The following SORD variants were observed in gnomAD, a reference collection of about 807,000 sequenced individuals.
SORD encodes the protein sorbitol dehydrogenase, also known as (R,R)-butanediol dehydrogenase.
SORD carries 18 observed loss-of-function variants against 35.6 expected under a neutral mutation model. The ratio of observed to expected loss-of-function variants is 0.51; its 90% CI spans 0.35 to 0.75. The LOEUF (loss-of-function observed/expected upper bound fraction) is 0.75, where lower values mean the gene tolerates loss of function less well. SORD is among the 30% of genes least tolerant of loss of function. The pLI is 0.01. For missense variants in SORD, 250 were observed against 390.2 expected (o/e 0.64, Z 3.03); for synonymous variants, 106 against 152.9 (o/e 0.69, Z 2.26).
In SORD at chr15:45,074,369, G is replaced by A. The variant is rs1893561229; in HGVS notation, c.*839G>A. On this transcript the variant is annotated 3_prime_UTR_variant, in exon 9 of 9. Transcript: ENST00000267814. ...GTGGACCTCACCAGAGACCAGGAGG[G>A]TTTGGTTAGCTCACAGGACTTCCCC... The A allele has an allele frequency of 6.7e-6, 1 of 148,772 alleles. No homozygotes were observed. Among genetic ancestry groups the A allele is most frequent in the Non-Finnish European group, 1.5e-5 (1 of 67,966 alleles). 9.2% of individuals were successfully genotyped at this position (148,772 alleles called of 1,614,324 possible).
chr15:45,042,267 G>C (rs868522143), intron 2 of SORD: 1 of 152,120 alleles, frequency 6.6e-6, no homozygotes, highest in African/African-American at 2.4e-5. Context: ...TGAGGCAGGC[G>C]GATCTCCTGA....
chr15:45,051,883 A>G (rs984992169), intron 3 of SORD, among the ~76,000 whole-genome samples: 1 of 152,206 alleles, frequency 6.6e-6, no homozygotes, highest in African/African-American at 2.4e-5. Context: ...TCAATGCTCA[A>G]TTTATGTAAA....
chr15:45,046,818 G>A (rs1893052157), intron 3 of SORD, among the ~76,000 whole-genome samples: 2 of 152,152 alleles, frequency 1.3e-5, no homozygotes, highest in African/African-American at 4.8e-5. Flanking sequence ...AGGAGTTCAA[G>A]ATCAGCCTGG....
chr15:45,036,203 T>A (rs969636987), intron 1 of SORD: 6 of 392,778 alleles, frequency 1.5e-5, no homozygotes, highest in Non-Finnish European at 2.5e-5. Context: ...TAACACTCAA[T>A]GCGAGGGTCC....
intron 2 of SORD, among the ~76,000 whole-genome samples, chr15:45,040,953 G>A (rs547870742): frequency 1.1e-4 from 17 of 152,176 alleles, no homozygotes; most frequent in East Asian, 1.9e-4. Context: ...CTGTCCAGTG[G>A]GGGTGGGAGG....
rs1247179234 is a variant in SORD, at chr15:45,077,029, T to C, written c.*3499T>C. 2 of 149,158 alleles carry C rather than the reference T, an allele frequency of 1.3e-5. No individual in the cohort carries two copies. Among genetic ancestry groups the C allele is most frequent in the African/African-American group, 2.6e-5 (1 of 38,638 alleles). The allele number at this position is 149,158 out of a possible 1,614,324, so 9.2% of individuals were successfully genotyped here. On this transcript the variant is annotated 3_prime_UTR_variant, in exon 9 of 9. Transcript: ENST00000267814. ...TTTAATAAATGGCTAAATTTCTTTC[T>C]ATGTCAATAATTATACACATCATTA...
intron 5 of SORD, among the ~76,000 whole-genome samples, chr15:45,066,971 G>A (rs1566964763): frequency 6.6e-6 from 1 of 152,186 alleles, no homozygotes; most frequent in East Asian, 1.9e-4. Flanking sequence ...TCACCGATTA[G>A]CCCAAGAGAA....
chr15:45,041,194 G>T (rs564610181), intron 2 of SORD, among the ~76,000 whole-genome samples: 2 of 152,136 alleles, frequency 1.3e-5, no homozygotes, highest in African/African-American at 4.8e-5. Flanking sequence ...CCAGCCCACC[G>T]TCTGCACATG....
intron 1 of SORD, among the ~76,000 whole-genome samples, chr15:45,037,329 A>G (rs1245778099): frequency 6.6e-6 from 1 of 152,152 alleles, no homozygotes; most frequent in South Asian, 2.1e-4. Flanking sequence ...TTGAATAAAT[A>G]TTTACAGTAG....
chr15:45,061,464 A>T lies in SORD; in HGVS notation c.425+238A>T, dbSNP rs527608237. ...TCAGTTTCCCTTACTTAGAGCAACAATAGAAAATTATTGCTGAAATCACTC... is the reference window on the plus strand; with the variant it reads ...TCAGTTTCCCTTACTTAGAGCAACATTAGAAAATTATTGCTGAAATCACTC... On this transcript the variant is annotated intron_variant, in intron 4 of 8. Transcript: ENST00000267814. Among the ~76,000 whole-genome samples, 5 of 152,314 alleles carry T rather than the reference A, an allele frequency of 3.3e-5. No homozygotes were observed. In the South Asian group the frequency reaches 1.0e-3, roughly 32 times the overall value.
chr15:45,028,531 C>T (rs1465508965), intron 1 of SORD, among the ~76,000 whole-genome samples: 1 of 152,168 alleles, frequency 6.6e-6, no homozygotes, highest in African/African-American at 2.4e-5. Flanking sequence ...CAGGAAACAA[C>T]ACCATGGAGG....
intron 5 of SORD, among the ~76,000 whole-genome samples, chr15:45,066,229 A>C (rs1413517643): frequency 1.4e-5 from 2 of 139,918 alleles, no homozygotes; most frequent in African/African-American, 2.7e-5. Context: ...TAGGTGACAG[A>C]GCGAGATTCT....
chr15:45,060,858 A>G, intron 3 of SORD: 1 of 1,080,914 alleles, frequency 9.3e-7, no homozygotes, highest in Non-Finnish European at 1.3e-6. Context: ...AAGTTTCCTC[A>G]CTTGCCTAGG....
chr15:45,040,463 C>T, intron 2 of SORD, 22 bp downstream of exon 2: 1 of 1,557,814 alleles, frequency 6.4e-7, no homozygotes, highest in Non-Finnish European at 8.9e-7. Flanking sequence ...GGAAACATGA[C>T]TTATATTTTA....
intron 4 of SORD, among the ~76,000 whole-genome samples, chr15:45,064,778 G>C (rs1261671295): frequency 1.3e-5 from 2 of 152,210 alleles, no homozygotes; most frequent in Non-Finnish European, 2.9e-5. Flanking sequence ...TGAGATGCTG[G>C]AACGTGGCCA....
At chr15:45,059,289 T>C (rs528772566) in intron 3 of SORD, among the ~76,000 whole-genome samples, 13 of 151,694 alleles carry the variant, frequency 8.6e-5, no homozygotes, top group East Asian at 5.8e-4. Context: ...TGTGATTGCA[T>C]CACTGTACTC....
chr15:45,036,621 G>C (rs1330976333), intron 1 of SORD, among the ~76,000 whole-genome samples: 2 of 152,228 alleles, frequency 1.3e-5, no homozygotes, highest in East Asian at 1.9e-4. Context: ...AGGATCACTT[G>C]AGTTCAGGAG....
At chr15:45,060,173 A>T (rs1241084354) in intron 3 of SORD, among the ~76,000 whole-genome samples, 2 of 152,216 alleles carry the variant, frequency 1.3e-5, no homozygotes, top group African/African-American at 4.8e-5. Context: ...TTTGAAGTGC[A>T]TCGGAAAAGA....
At chr15:45,038,444 G>A (rs1476963762) in intron 1 of SORD, among the ~76,000 whole-genome samples, 4 of 152,192 alleles carry the variant, frequency 2.6e-5, no homozygotes, top group Non-Finnish European at 5.9e-5. Flanking sequence ...AGCAATGTCA[G>A]CTAGGCAGCA....
Sources: allele counts gnomAD v4.1 joint callset (sites outside exome capture counted in the v4.1 genomes callset), GRCh38; gene constraint gnomAD v4.1.1; transcripts MANE v1.5; gene names NCBI Gene and HGNC (gene_info 2026-07-23, HGNC 2026-07-21).